Variants in RAB3IP observed in about 807,000 individuals in gnomAD.
RAB3IP encodes the protein rab-3A-interacting protein.
RAB3IP carries 36 observed loss-of-function variants against 59.1 expected under a neutral mutation model. The ratio of observed to expected loss-of-function variants is 0.61; its 90% confidence interval spans 0.47 to 0.80. RAB3IP has a LOEUF of 0.80. RAB3IP is among the 30% of genes least tolerant of loss of function. The probability of loss-of-function intolerance (pLI) is 0.00; values close to 1 mark genes in which losing one functional copy is unlikely to be tolerated. For synonymous variants in RAB3IP, 207 were observed against 191.2 expected (o/e 1.08, Z -0.68); for missense variants, 511 against 536.0 (o/e 0.95, Z 0.46).
Position 69,759,601 on chromosome 12 carries a change from C to T in RAB3IP, c.510+2938C>T, listed in dbSNP as rs570288755. 7.4e-3 allele frequency among the ~76,000 whole-genome samples: 1,120 copies of T among 150,840 alleles called. 9 individuals are homozygous for T. Among genetic ancestry groups the T allele is most frequent in the Middle Eastern group, 0.018 (5 of 280 alleles). On this transcript the variant is annotated intron_variant, in intron 3 of 10. Transcript: ENST00000247833. ...CCGACCTCCCGGACGGGGCGGCGGC[C>T]GGGCGGAGGCGCCCCCCACCTCCCT...
At chr12:69,806,570 G>GTT (rs35262716) in intron 8 of RAB3IP, among the ~76,000 whole-genome samples, 26,468 of 67,740 alleles carry the variant, frequency 0.39, 5,696 homozygotes, top group East Asian at 0.55. Context: ...TGCTTCTCTA[G>GTT]TTTTTTTTTT....
rs900407782 is a variant in RAB3IP, at chr12:69,816,615, G to A, written c.*1169G>A. ...ATTTTTCATATTATAATGCTGTGAC[G>A]AGTATCCTTATCTGTACACTTCTGA... On this transcript the variant is annotated 3_prime_UTR_variant, in exon 11 of 11. Transcript: ENST00000247833. The A allele has an allele frequency of 2.0e-5, 3 of 152,104 alleles. No homozygotes were observed. Among genetic ancestry groups the A allele is most frequent in the Admixed American group, 6.5e-5 (1 of 15,270 alleles). The allele number at this position is 152,104 out of a possible 1,614,324, so 9.4% of individuals were successfully genotyped here.
At chr12:69,767,492 A>G (rs529823927) in intron 3 of RAB3IP, among the ~76,000 whole-genome samples, 1 of 152,344 alleles carries the variant, frequency 6.6e-6, no homozygotes, top group Non-Finnish European at 1.5e-5. Flanking sequence ...GCAAGCACAA[A>G]CACCAGTGCT....
At chr12:69,759,689 C>A (rs1218566857) in intron 3 of RAB3IP, among the ~76,000 whole-genome samples, 1 of 141,754 alleles carries the variant, frequency 7.1e-6, no homozygotes, top group Non-Finnish European at 1.5e-5. Flanking sequence ...GGCGGCTGGC[C>A]GGGCAGGGGC....
chr12:69,787,202 G>T (rs1180650195), intron 4 of RAB3IP, among the ~76,000 whole-genome samples: 1 of 152,040 alleles, frequency 6.6e-6, no homozygotes, highest in Non-Finnish European at 1.5e-5. Context: ...ATTATACTTT[G>T]TATGTAGCAA....
chr12:69,801,065 A>G (rs577759319), intron 7 of RAB3IP, among the ~76,000 whole-genome samples: 10 of 152,336 alleles, frequency 6.6e-5, no homozygotes, highest in Non-Finnish European at 1.3e-4. Flanking sequence ...ATTCAGTATT[A>G]GTAACCTTGC....
At chr12:69,809,514 C>G (rs927196382) in intron 8 of RAB3IP, among the ~76,000 whole-genome samples, 6 of 152,194 alleles carry the variant, frequency 3.9e-5, no homozygotes, top group African/African-American at 1.4e-4. Flanking sequence ...TGGTTCCATT[C>G]TCCCCGTCAC....
At chr12:69,772,683 A>C (rs1436084311) in intron 3 of RAB3IP, among the ~76,000 whole-genome samples, 1 of 152,216 alleles carries the variant, frequency 6.6e-6, no homozygotes, top group African/African-American at 2.4e-5. Context: ...CGTACACTGT[A>C]ACTCCATTCT....
Position 69,821,064 on chromosome 12 carries a change from T to A in RAB3IP, c.*5618T>A, listed in dbSNP as rs1881690281. On this transcript the variant is annotated 3_prime_UTR_variant, in exon 11 of 11. Transcript: ENST00000247833. ...GGCAGCTTCTCAAGGGAGCACAAGT[T>A]CACACACAGTTTACTTTTGGAGGAA... 6.6e-6 allele frequency: 1 copy of A among 152,118 alleles called. No homozygotes were observed. The highest frequency in any genetic ancestry group is 1.5e-5 in the Non-Finnish European group (1 of 68,018). 9.4% of individuals were successfully genotyped at this position (152,118 alleles called of 1,614,324 possible).
At chr12:69,757,344 G>C (rs1211476159) in intron 3 of RAB3IP, among the ~76,000 whole-genome samples, 1 of 152,118 alleles carries the variant, frequency 6.6e-6, no homozygotes, top group Non-Finnish European at 1.5e-5. Context: ...AAATAATAAA[G>C]AGCAAAAATC....
chr12:69,808,118 A>G (rs1162844048), intron 8 of RAB3IP, among the ~76,000 whole-genome samples: 2 of 152,326 alleles, frequency 1.3e-5, no homozygotes. Flanking sequence ...TTCAAAGAAC[A>G]TCTTTATTTC....
chr12:69,761,634 CAT>C (rs1386624956), intron 3 of RAB3IP, among the ~76,000 whole-genome samples: 1 of 152,134 alleles, frequency 6.6e-6, no homozygotes, highest in East Asian at 1.9e-4. Context: ...ATAAGGATTG[CAT>C]ATGTTTGTGC....
chr12:69,743,968 A>C (rs1887596020), intron 1 of RAB3IP, among the ~76,000 whole-genome samples: 2 of 152,226 alleles, frequency 1.3e-5, no homozygotes, highest in African/African-American at 4.8e-5. Flanking sequence ...TATTGAGAAA[A>C]AGAAATTTGG....
intron 3 of RAB3IP, among the ~76,000 whole-genome samples, chr12:69,767,689 C>T (rs553155292): frequency 2.0e-4 from 31 of 152,226 alleles, no homozygotes; most frequent in South Asian, 4.1e-4. Flanking sequence ...CCCCCCTATA[C>T]CAAGGCCTCT....
At chr12:69,805,636 T>A (rs1879135446) in intron 8 of RAB3IP, among the ~76,000 whole-genome samples, 1 of 151,750 alleles carries the variant, frequency 6.6e-6, no homozygotes, top group African/African-American at 2.4e-5. Flanking sequence ...TGTGGGTTTG[T>A]CATAGATAGC....
chr12:69,760,210 TCCA>T (rs1871082023), intron 3 of RAB3IP, among the ~76,000 whole-genome samples: 1 of 152,206 alleles, frequency 6.6e-6, no homozygotes, highest in Non-Finnish European at 1.5e-5. Context: ...AAACCCCGTC[TCCA>T]CCAAAAAAAT....
chr12:69,759,638 C>A (rs567854925), intron 3 of RAB3IP, among the ~76,000 whole-genome samples: 1 of 132,790 alleles, frequency 7.5e-6, no homozygotes, highest in African/African-American at 2.8e-5. Flanking sequence ...CTGGACGGGG[C>A]GGCTGGCTGG....
At chr12:69,810,954 G>A (rs1277672660) in intron 8 of RAB3IP, among the ~76,000 whole-genome samples, 1 of 152,114 alleles carries the variant, frequency 6.6e-6, no homozygotes, top group East Asian at 1.9e-4. Flanking sequence ...ATTGAATCCT[G>A]GCTTAACTAA....
chr12:69,800,422 C>A, intron 7 of RAB3IP, 85 bp downstream of exon 7: 1 of 755,190 alleles, frequency 1.3e-6, no homozygotes, highest in Non-Finnish European at 1.9e-6. Context: ...ATTTTAATAT[C>A]TCTTACATAA....
Sources: allele counts gnomAD v4.1 joint callset (sites outside exome capture counted in the v4.1 genomes callset), GRCh38; gene constraint gnomAD v4.1.1; transcripts MANE v1.5; gene names NCBI Gene and HGNC (gene_info 2026-07-23, HGNC 2026-07-21).